ALK: variants seen among roughly 807,000 people sequenced by gnomAD.
The protein encoded by ALK is ALK receptor tyrosine kinase, also known as ALK tyrosine kinase receptor.
In ALK, 74 loss-of-function variants were observed where a neutral mutation model predicts 163.1. The observed-to-expected ratio is 0.45, with a 90% CI of 0.38 to 0.55. ALK has a LOEUF of 0.55. ALK is among the 20% of genes least tolerant of loss of function. ALK has a pLI of 0.00. For missense variants in ALK, 2,063 were observed against 2,105.3 expected, an observed-to-expected ratio of 0.98 and a Z score of 0.39; for synonymous variants, 960 against 843.2, an observed-to-expected ratio of 1.14 and a Z score of -2.40.
chr2:29,406,939 A>G (rs1669599936), intron 4 of ALK, among the ~76,000 whole-genome samples: 1 of 151,054 alleles, frequency 6.6e-6, no homozygotes, highest in South Asian at 2.1e-4. Flanking sequence ...TTCATGAAAG[A>G]TCTGGCCTGT....
chr2:29,665,936 C>T (rs902554751), intron 3 of ALK, among the ~76,000 whole-genome samples: 1 of 151,986 alleles, frequency 6.6e-6, no homozygotes, highest in Non-Finnish European at 1.5e-5. Flanking sequence ...ATAGAACTAA[C>T]CCTTGACCTG....
At chr2:29,480,928 A>G (rs1671646540) in intron 4 of ALK, among the ~76,000 whole-genome samples, 3 of 152,110 alleles carry the variant, frequency 2.0e-5, no homozygotes. Flanking sequence ...TGCATTTCCA[A>G]TGAGCTCCCA....
intron 3 of ALK, among the ~76,000 whole-genome samples, chr2:29,549,915 T>C (rs931961368): frequency 2.6e-5 from 4 of 152,346 alleles, no homozygotes; most frequent in Admixed American, 2.6e-4. Flanking sequence ...CATTTTTGGC[T>C]CATATTGTAT....
chr2:29,808,846 A>G (rs1558497694), intron 1 of ALK, among the ~76,000 whole-genome samples: 1 of 152,196 alleles, frequency 6.6e-6, no homozygotes, highest in African/African-American at 2.4e-5. Context: ...ACACAACTTT[A>G]TATGTCTGCC....
At chr2:29,387,892 A>T (rs1162976206) in intron 4 of ALK, among the ~76,000 whole-genome samples, 1 of 152,224 alleles carries the variant, frequency 6.6e-6, no homozygotes, top group Non-Finnish European at 1.5e-5. Context: ...GACTGCAAGC[A>T]CAAGAGGCAA....
intron 3 of ALK, among the ~76,000 whole-genome samples, chr2:29,618,420 T>TG (rs1055700173): frequency 6.6e-6 from 1 of 151,670 alleles, no homozygotes; most frequent in African/African-American, 2.4e-5. Flanking sequence ...TTTTTTTTTT[T>TG]TTGTTGACAA....
chr2:29,556,081 G>T (rs141703909), intron 3 of ALK, among the ~76,000 whole-genome samples: 1 of 152,248 alleles, frequency 6.6e-6, no homozygotes, highest in Admixed American at 6.5e-5. Flanking sequence ...TGCACCCCAA[G>T]CCAAACCTGG....
chr2:29,599,945 C>T (rs927491451), intron 3 of ALK, among the ~76,000 whole-genome samples: 5 of 152,166 alleles, frequency 3.3e-5, no homozygotes, highest in African/African-American at 7.2e-5. Context: ...GTGGTTCCCA[C>T]CCCTACCATC....
chr2:29,239,606 G>C (rs1406997221), intron 13 of ALK, 74 bp downstream of exon 13: 17 of 1,565,726 alleles, frequency 1.1e-5, no homozygotes, highest in African/African-American at 4.1e-5. Flanking sequence ...AGGGTGTTGA[G>C]TGTTGGTGCC....
chr2:29,438,979 T>A (rs1670470895), intron 4 of ALK, among the ~76,000 whole-genome samples: 1 of 152,206 alleles, frequency 6.6e-6, no homozygotes, highest in Non-Finnish European at 1.5e-5. Context: ...GCCCTGCCTG[T>A]GGGACTCCAA....
At chr2:29,545,570 G>A (rs1265572598) in intron 3 of ALK, among the ~76,000 whole-genome samples, 1 of 152,100 alleles carries the variant, frequency 6.6e-6, no homozygotes, top group East Asian at 1.9e-4. Context: ...CAGTCCAGTG[G>A]GTGAAGGGCT....
At chr2:29,802,547 G>A (rs1444124573) in intron 1 of ALK, among the ~76,000 whole-genome samples, 13 of 14,164 alleles carry the variant, frequency 9.2e-4, no homozygotes, top group African/African-American at 1.4e-3. Context: ...AGGAGGGGAG[G>A]GGAGGGGAGG....
chr2:29,641,821 A>G (rs1362237355), intron 3 of ALK, among the ~76,000 whole-genome samples: 1 of 152,312 alleles, frequency 6.6e-6, no homozygotes, highest in Non-Finnish European at 1.5e-5. Context: ...CCTTTCAGGA[A>G]AGCCCCTTTC....
chr2:29,520,238 C>T (rs956874989), intron 4 of ALK, among the ~76,000 whole-genome samples: 1 of 152,042 alleles, frequency 6.6e-6, no homozygotes, highest in Admixed American at 6.6e-5. Flanking sequence ...GACAGTCCTT[C>T]GATTGGAGGT....
chr2:29,834,669 T>G (rs1325261383), intron 1 of ALK, among the ~76,000 whole-genome samples: 1 of 151,596 alleles, frequency 6.6e-6, no homozygotes, highest in African/African-American at 2.4e-5. Context: ...AGGGTGCGAG[T>G]ATAGAGAGGG....
intron 1 of ALK, among the ~76,000 whole-genome samples, chr2:29,810,825 T>C (rs1664739491): frequency 6.6e-6 from 1 of 152,082 alleles, no homozygotes; most frequent in African/African-American, 2.4e-5. Flanking sequence ...ATAGAGTCTT[T>C]AGGAGGGTAT....
intron 8 of ALK, among the ~76,000 whole-genome samples, chr2:29,300,548 C>G (rs1428958869): frequency 1.4e-5 from 1 of 72,018 alleles, no homozygotes; most frequent in Non-Finnish European, 3.0e-5. Flanking sequence ...GAGCAAGACT[C>G]TGTCTCAAAA....
chr2:29,898,070 G>T (rs1667319437), intron 1 of ALK, among the ~76,000 whole-genome samples: 1 of 152,232 alleles, frequency 6.6e-6, no homozygotes, highest in Non-Finnish European at 1.5e-5. Context: ...AAAAGGGAAA[G>T]GGAAGAATAA....
chr2:29,243,063 ACTACAGGACTGATTGC>A lies in ALK; in HGVS notation c.2205-3249_2205-3234del, dbSNP rs1475709643. ...ACTCCTCTGGAAGCTTCTAGTTGCTACTACAGGACTGATTGCCTTAGGAGTGGGATGTGCCACAGGT... is the reference window on the plus strand; with the variant it reads ...ACTCCTCTGGAAGCTTCTAGTTGCTACTTAGGAGTGGGATGTGCCACAGGT... On this transcript the variant is annotated intron_variant, in intron 12 of 28. Coordinates refer to ENST00000389048, the MANE Select transcript of ALK (RefSeq NM_004304.5). Among the ~76,000 whole-genome samples the A allele has an allele frequency of 1.2e-4, 18 of 152,342 alleles. 2 individuals are homozygous for A. In the East Asian group the frequency reaches 3.5e-3, roughly 29 times the overall value.
Sources: gnomAD v4.1 joint callset for allele counts (sites outside exome capture counted in the v4.1 genomes callset) on GRCh38, gnomAD v4.1.1 for gene constraint, MANE v1.5 for transcripts, NCBI Gene and HGNC (gene_info 2026-07-23, HGNC 2026-07-21) for gene names.